NWD1: variants seen among roughly 807,000 people sequenced by gnomAD.
NWD1 encodes NACHT and WD repeat domain containing 1, also known as NACHT domain- and WD repeat-containing protein 1.
A neutral mutation model predicts 135.1 loss-of-function variants in NWD1; 129 were observed. The ratio of observed to expected loss-of-function variants is 0.96; its 90% CI spans 0.83 to 1.11. The LOEUF is 1.11. NWD1 is among the 50% of genes least tolerant of loss of function. The probability of loss-of-function intolerance (pLI) is 0.00; values close to 1 mark genes in which losing one functional copy is unlikely to be tolerated. For missense variants in NWD1, 1,740 were observed against 1,851.3 expected, an observed-to-expected ratio of 0.94 and a Z score of 1.10; for synonymous variants, 773 against 786.0, an observed-to-expected ratio of 0.98 and a Z score of 0.28.
rs930596748 is a variant in NWD1 at position 16,724,391 on chromosome 19, G to C, written c.-79G>C. ...ACCATGCGGCCGATGCCCTGGGAGG[G>C]AGACCACTTGCTTAAGTCCTCCAGG... On this transcript the variant is annotated 5_prime_UTR_variant, in exon 2 of 19. Transcript: ENST00000524140. 2.0e-5 allele frequency: 3 copies of C among 152,192 alleles called. No individual in the cohort carries two copies. Among genetic ancestry groups the C allele is most frequent in the Non-Finnish European group, 4.4e-5 (3 of 68,060 alleles). 9.4% of individuals were successfully genotyped at this position (152,192 alleles called of 1,614,324 possible). A position where few individuals can be genotyped will look rare whatever the true frequency, so the allele number is the denominator to read the frequency against.
intron 17 of NWD1, among the ~76,000 whole-genome samples, chr19:16,805,217 C>T (rs571921909): frequency 4.0e-5 from 6 of 151,800 alleles, no homozygotes; most frequent in Non-Finnish European, 8.8e-5. Context: ...CAGCACAATG[C>T]CTGGCTTATT....
At position 16,749,445 on chromosome 19, in the gene NWD1, A is replaced by C; in HGVS notation, c.803A>C (p.Gln268Pro). The stretch of plus-strand genomic sequence containing the variant: ...TGCTACCTGAAGGAGCTGGGTGAGC[A>C]GTTTGTGGTGAGGGCCAATCACCAG... ...HACYLKELGE[Q>P]FVVRANHQVL... is the part of the protein sequence containing the mutation. Residue 268 changes from glutamine to proline, a missense_variant, in exon 6 of 19, where the codon CAG (glutamine) becomes CCG (proline). By Grantham distance (76) the Gln-to-Pro change is moderately conservative (BLOSUM62 -1). Transcript: ENST00000524140. 2 of 1,613,628 alleles carry C rather than the reference A, an allele frequency of 1.2e-6. No homozygotes were observed. The highest frequency in any genetic ancestry group is 1.7e-6 in the Non-Finnish European group (2 of 1,179,644).
chr19:16,736,514 C>T, intron 3 of NWD1, 120 bp from the exon 4 acceptor site: 1 of 667,938 alleles, frequency 1.5e-6, no homozygotes, highest in Non-Finnish European at 2.7e-6. Flanking sequence ...CAGACATCCC[C>T]CTACAGGAAG....
intron 13 of NWD1, among the ~76,000 whole-genome samples, chr19:16,789,455 AAGTACTGCTT>A (rs1288475883): frequency 1.3e-5 from 2 of 152,164 alleles, no homozygotes; most frequent in African/African-American, 4.8e-5. Flanking sequence ...ATTTCCCTCA[AAGTACTGCTT>A]TACCTACATC....
intron 4 of NWD1, among the ~76,000 whole-genome samples, chr19:16,737,928 G>C (rs1967891083): frequency 6.8e-6 from 1 of 146,894 alleles, no homozygotes; most frequent in East Asian, 1.9e-4. Flanking sequence ...TCATGCCACT[G>C]TACTCCAGCC....
At chr19:16,791,756 C>T (rs1970254790) in intron 14 of NWD1, 134 bp downstream of exon 14, 2 of 911,520 alleles carry the variant, frequency 2.2e-6, no homozygotes, top group African/African-American at 3.3e-5. Flanking sequence ...TTTTGTTGCC[C>T]AGGCTGGAGT....
chr19:16,809,198 C>T (rs1970846651), intron 18 of NWD1, among the ~76,000 whole-genome samples: 1 of 151,790 alleles, frequency 6.6e-6, no homozygotes, highest in South Asian at 2.1e-4. Flanking sequence ...ACTCTCCCGC[C>T]TCGGCCTCCC....
chr19:16,779,422 C>A lies in NWD1; in HGVS notation c.2688C>A (p.Asp896Glu). 2 of 1,613,560 alleles carry A rather than the reference C, an allele frequency of 1.2e-6. No homozygotes were observed. The highest frequency in any genetic ancestry group is 1.7e-6 in the Non-Finnish European group (2 of 1,179,864). Residue 896 changes from aspartate to glutamate, a missense_variant, in exon 12 of 19, where the codon GAC becomes GAA. Transcript: ENST00000524140. The part of the protein sequence containing the change: ...GTQDGIMAVW[D>E]MEEQHVIHML... ...AGGATGGCATCATGGCTGTGTGGGACATGGAAGAGCAGCATGTGATCCACA... is the reference window on the plus strand; with the variant it reads ...AGGATGGCATCATGGCTGTGTGGGAAATGGAAGAGCAGCATGTGATCCACA...
chr19:16,741,436 G>A (rs114475281), intron 4 of NWD1, among the ~76,000 whole-genome samples: 2,947 of 149,496 alleles, frequency 0.02, 100 homozygotes, highest in African/African-American at 0.069. Context: ...CACCATGTCG[G>A]TTCACTGAAA....
chr19:16,780,312 T>C (rs562866996), intron 12 of NWD1, among the ~76,000 whole-genome samples: 14 of 151,914 alleles, frequency 9.2e-5, no homozygotes, highest in African/African-American at 3.4e-4. Flanking sequence ...CCCGCCACCA[T>C]GCCTGGCTAA....
chr19:16,767,117 G>C (rs935860438), intron 10 of NWD1, among the ~76,000 whole-genome samples: 2 of 151,088 alleles, frequency 1.3e-5, no homozygotes, highest in Non-Finnish European at 2.9e-5. Flanking sequence ...CTGCATGGCT[G>C]GGAAGGCCTC....
Position 16,749,281 on chromosome 19 carries a change from T to C in NWD1, c.639T>C (p.Asp213=). The C allele has an allele frequency of 6.2e-7, 1 of 1,613,966 alleles. No homozygotes were observed. Among genetic ancestry groups the C allele is most frequent in the Non-Finnish European group, 8.5e-7 (1 of 1,179,998 alleles). The change falls in exon 6 of 19, where the codon GAT becomes GAC. Residue 213 remains aspartate, a synonymous_variant. Transcript: ENST00000524140. ...TTAGGATGGTGGACCGGCTCGCGGA[T>C]GGCTGCCTGGACGCTGATGCCCAGA... ...CALRMVDRLA[D]GCLDADAQNL...
chr19:16,778,476 TTTC>T (rs199535319), intron 11 of NWD1, among the ~76,000 whole-genome samples: 46 of 140,474 alleles, frequency 3.3e-4, no homozygotes, highest in Non-Finnish European at 5.7e-4. Context: ...TTTTCTTTTC[TTTC>T]TTCTTCTTCT....
At chr19:16,812,875 G>A in intron 18 of NWD1, 1 of 780,824 alleles carries the variant, frequency 1.3e-6, no homozygotes, top group Non-Finnish European at 2.4e-6. Flanking sequence ...TTTTAGGGCA[G>A]GATTGAGCTT....
intron 16 of NWD1, among the ~76,000 whole-genome samples, chr19:16,798,448 A>C (rs1398324023): frequency 6.6e-6 from 1 of 152,006 alleles, no homozygotes; most frequent in Non-Finnish European, 1.5e-5. Context: ...AATCTCTACA[A>C]AAAAACACAA....
Position 16,749,176 on chromosome 19 carries a change from A to C in NWD1, c.534A>C (p.Ser178=), listed in dbSNP as rs775916798. The change falls in exon 6 of 19, where the codon TCA becomes TCC. Residue 178 remains serine (S), a synonymous_variant. Coordinates refer to ENST00000524140, the MANE Select transcript of NWD1 (RefSeq NM_001007525.5). ...AGATAGAGCGGAGCCTGCTGAGCTC[A>C]GAGGACCGGGAACAGGGAGCCACCG... ...EWEIERSLLS[S]EDREQGATVF... 1.2e-6 allele frequency: 2 copies of C among 1,612,614 alleles called. No homozygotes were observed. Among genetic ancestry groups the C allele is most frequent in the Non-Finnish European group, 1.7e-6 (2 of 1,179,254 alleles).
chr19:16,749,813 T>C lies in NWD1; in HGVS notation c.1171T>C (p.Phe391Leu), dbSNP rs764614448. 6.2e-7 allele frequency: 1 copy of C among 1,608,084 alleles called. No individual in the cohort carries two copies. The change falls in exon 6 of 19, where the codon TTC (phenylalanine) becomes CTC (leucine). Residue 391 changes from phenylalanine to leucine, a missense_variant. Phe to Leu is a conservative substitution (Grantham distance 22, BLOSUM62 0). Transcript: ENST00000524140. ...CCGTGGCCTGCTGAAGAGCATCTGC[T>C]TCCAGGTGTGCCTGGCCTATGGGCT... ...DARGLLKSIC[F>L]QVCLAYGLPL...
chr19:16,736,478 T>C lies in NWD1; in HGVS notation c.82-156T>C, dbSNP rs567858223. On this transcript the variant is annotated intron_variant, in intron 3 of 18. Transcript: ENST00000524140. ...TTTTCTCATGATTATACTGAGGTTATGAATTTGGTTCAAGTTCTTTTAATC... is the reference window on the plus strand; with the variant it reads ...TTTTCTCATGATTATACTGAGGTTACGAATTTGGTTCAAGTTCTTTTAATC... 1.4e-3 allele frequency among the ~76,000 whole-genome samples: 208 copies of C among 152,264 alleles called. 3 individuals are homozygous for C. Among genetic ancestry groups the C allele is most frequent in the Non-Finnish European group, 2.4e-4 (16 of 68,010 alleles).
rs538241268 is a variant in NWD1 at position 16,729,643 on chromosome 19, C to T, written c.-6-1549C>T. Among the ~76,000 whole-genome samples the T allele has an allele frequency of 9.3e-5, 14 of 151,094 alleles. No individual in the cohort carries two copies. In the South Asian group the frequency reaches 2.5e-3, roughly 27 times the overall value. On this transcript the variant is annotated intron_variant, in intron 2 of 18. Transcript: ENST00000524140. ...CTGTAATCCCGGTACTTTAGGGGGC[C>T]GAGGCACCTGAGGTGAGGAGTTTGA...
Sources: gnomAD v4.1 joint callset for allele counts (sites outside exome capture counted in the v4.1 genomes callset) on GRCh38, gnomAD v4.1.1 for gene constraint, MANE v1.5 for transcripts, NCBI Gene and HGNC (gene_info 2026-07-23, HGNC 2026-07-21) for gene names.